Variants in MLYCD observed in about 807,000 individuals in gnomAD.
The protein encoded by MLYCD is malonyl-CoA decarboxylase, mitochondrial.
A neutral mutation model predicts 35.8 loss-of-function variants in MLYCD; 27 were observed. That is an observed-to-expected ratio of 0.75 (90% CI 0.56 to 1.04). MLYCD has a LOEUF of 1.04. Among genes scored for constraint, MLYCD ranks in the 50% least tolerant of loss-of-function variants. The pLI is 0.00. For synonymous variants in MLYCD, 403 were observed against 302.4 expected (o/e 1.33, Z -3.45); for missense variants, 917 against 665.1 (o/e 1.38, Z -4.17).
intron 3 of MLYCD, chr16:83,911,549 A>AGCT: frequency 6.5e-6 from 1 of 153,692 alleles, no homozygotes; most frequent in Non-Finnish European, 1.4e-5. Flanking sequence ...TGCCGTGAGA[A>AGCT]TGAGAGGCAA....
intron 4 of MLYCD, chr16:83,912,649 C>T (rs1291889302): frequency 3.3e-5 from 15 of 451,340 alleles, no homozygotes; most frequent in South Asian, 1.4e-4. Flanking sequence ...AGGGTGACCT[C>T]GTTCTGACCT....
chr16:83,902,770 T>A (rs1361890934), intron 1 of MLYCD, among the ~76,000 whole-genome samples: 1 of 152,210 alleles, frequency 6.6e-6, no homozygotes, highest in South Asian at 2.1e-4. Context: ...CCTTCCAAAG[T>A]GCTGGAATTA....
intron 3 of MLYCD, among the ~76,000 whole-genome samples, chr16:83,909,675 G>A (rs1286163361): frequency 6.7e-6 from 1 of 149,244 alleles, no homozygotes; most frequent in Non-Finnish European, 1.5e-5. Flanking sequence ...AGGCTAGAGT[G>A]CAATGGTGCT....
At chr16:83,906,282 T>C (rs906421937) in intron 1 of MLYCD, among the ~76,000 whole-genome samples, 1 of 151,426 alleles carries the variant, frequency 6.6e-6, no homozygotes, top group African/African-American at 2.4e-5. Context: ...TCCCAGCTAC[T>C]TGGGGGGCTG....
intron 1 of MLYCD, among the ~76,000 whole-genome samples, chr16:83,902,937 G>C (rs946684947): frequency 6.6e-6 from 1 of 152,170 alleles, no homozygotes; most frequent in Admixed American, 6.5e-5. Flanking sequence ...TGCATGGTAG[G>C]TGTGGGTATG....
At chr16:83,907,291 C>T (rs3815810) in intron 2 of MLYCD, among the ~76,000 whole-genome samples, 192 bp downstream of exon 2, 1 of 152,018 alleles carries the variant, frequency 6.6e-6, no homozygotes, top group Non-Finnish European at 1.5e-5. Context: ...TGGAGGAAGA[C>T]GAAAGGGCAC....
At position 83,899,552 on chromosome 16, in the gene MLYCD, C is replaced by T. The variant is rs183593320; in HGVS notation, c.408C>T (p.Arg136=). Residue 136 remains arginine (R), a synonymous_variant, in exon 1 of 5, where the codon CGC becomes CGT. Transcript: ENST00000262430. ...EDRLRYALVP[R]YRGLFHHISK... ...GGCTGCGCTACGCGCTGGTGCCGCG[C>T]TATCGCGGCCTCTTCCACCACATCA... is the stretch of plus-strand genomic sequence containing the variant. 3 of 1,592,706 alleles carry T rather than the reference C, an allele frequency of 1.9e-6. No homozygotes were observed. The highest frequency in any genetic ancestry group is 1.1e-5 in the South Asian group (1 of 90,558).
At chr16:83,912,642 G>A in intron 4 of MLYCD, 1 of 469,384 alleles carries the variant, frequency 2.1e-6, no homozygotes, top group Non-Finnish European at 3.9e-6. Flanking sequence ...TCTCTCTAGG[G>A]TGACCTCGTT....
chr16:83,910,168 GA>G (rs1182452916), intron 3 of MLYCD, among the ~76,000 whole-genome samples: 1 of 151,796 alleles, frequency 6.6e-6, no homozygotes, highest in Non-Finnish European at 1.5e-5. Context: ...AACAGTCATG[GA>G]GATTAGATTT....
rs545714713 is a variant in MLYCD, at chr16:83,899,781, C to T, written c.528+109C>T. The T allele has an allele frequency of 2.1e-5, 28 of 1,308,318 alleles. No individual in the cohort carries two copies. The African/African-American group carries it at 4.2e-4, about 19-fold the overall frequency. 81.0% of individuals were successfully genotyped at this position (1,308,318 alleles called of 1,614,324 possible). On this transcript the variant is annotated intron_variant, in intron 1 of 4. Transcript: ENST00000262430. ...ACACCCCGCCTTCCCTGCCCGATAG[C>T]ACGCTCACTTCGCCCGCAGTTACCG...
chr16:83,903,130 T>A (rs1340098314), intron 1 of MLYCD, among the ~76,000 whole-genome samples: 1 of 152,122 alleles, frequency 6.6e-6, no homozygotes, highest in East Asian at 1.9e-4. Flanking sequence ...AGGTTGGCCT[T>A]TAATTCATGG....
In MLYCD at chr16:83,915,029, T is replaced by G. The variant is rs769628862; in HGVS notation, c.1022T>G (p.Leu341Arg). The change falls in exon 5 of 5, where the codon CTT becomes CGT. Residue 341 changes from leucine (L) to arginine (R), a missense_variant. Leu to Arg is a moderately radical substitution (Grantham distance 102). Coordinates refer to ENST00000262430, the MANE Select transcript of MLYCD (RefSeq NM_012213.3). ...IPGFTKWLLG[L>R]LNSQTKEHGR... Reference sequence around the variant, plus strand: ...GGTTTCACCAAATGGCTTCTGGGGCTTCTGAACTCGCAAACGAAGGAGCAT... The same window carrying G: ...GGTTTCACCAAATGGCTTCTGGGGCGTCTGAACTCGCAAACGAAGGAGCAT... 2 of 1,614,104 alleles carry G rather than the reference T, an allele frequency of 1.2e-6. No homozygotes were observed. The highest frequency in any genetic ancestry group is 1.7e-6 in the Non-Finnish European group (2 of 1,180,040).
At position 83,908,236 on chromosome 16, in the gene MLYCD, T is replaced by C; in HGVS notation, c.752T>C (p.Val251Ala). The C allele has an allele frequency of 6.2e-7, 1 of 1,614,214 alleles. No individual in the cohort carries two copies. Among genetic ancestry groups the C allele is most frequent in the Non-Finnish European group, 8.5e-7 (1 of 1,180,036 alleles). Residue 251 changes from valine (V) to alanine (A), a missense_variant, in exon 3 of 5, where the codon GTC (valine) becomes GCC (alanine). Val to Ala is a moderately conservative substitution (Grantham distance 64, BLOSUM62 0). Transcript: ENST00000262430. ...SHCSTPGEPL[V>A]VLHVALTGDI... ...TGTTCGACCCCTGGGGAGCCCCTGG[T>C]CGTTTTGCACGTGGCACTGACTGGT... is the stretch of plus-strand genomic sequence containing the variant.
intron 4 of MLYCD, 197 bp from the exon 5 acceptor site, chr16:83,914,759 A>G: frequency 5.4e-6 from 4 of 736,454 alleles, no homozygotes; most frequent in Non-Finnish European, 4.4e-6. Context: ...AGCTAGGGCA[A>G]TAGAGCAAGA....
At chr16:83,904,010 G>T (rs912907696) in intron 1 of MLYCD, among the ~76,000 whole-genome samples, 2 of 152,170 alleles carry the variant, frequency 1.3e-5, no homozygotes, top group Non-Finnish European at 2.9e-5. Flanking sequence ...ACTGAGCAAC[G>T]GAGACTTCTA....
chr16:83,899,350 C>G lies in MLYCD; in HGVS notation c.206C>G (p.Ala69Gly). ...CCGGCGCCCGCCGAGGGTCAGTGCG[C>G]GGACTTCGTGAGCTTCTACGGTGGG... The part of the protein sequence containing the change: ...KTPAPAEGQC[A>G]DFVSFYGGLA... Residue 69 changes from alanine to glycine, a missense_variant, in exon 1 of 5, where the codon GCG (alanine) becomes GGG (glycine). Coordinates refer to ENST00000262430, the MANE Select transcript of MLYCD (RefSeq NM_012213.3). 6.6e-7 allele frequency: 1 copy of G among 1,522,962 alleles called. No individual in the cohort carries two copies. Among genetic ancestry groups the G allele is most frequent in the South Asian group, 1.2e-5 (1 of 82,452 alleles). 94.3% of individuals were successfully genotyped at this position (1,522,962 alleles called of 1,614,324 possible).
rs1176323305 is a variant in MLYCD at position 83,919,807 on chromosome 16, GGTGCACAGGAGAACACGCA to G, written c.*4334_*4352del. On this transcript the variant is annotated 3_prime_UTR_variant, in exon 5 of 5. Transcript: ENST00000262430. ...AGAACACACGGTGTACAGAACACACGGTGCACAGGAGAACACGCAGTGCACAGGAGAACATGCAATGCAC... is the reference window on the plus strand; with the variant it reads ...AGAACACACGGTGTACAGAACACACGGTGCACAGGAGAACATGCAATGCAC... 6.8e-6 allele frequency: 1 copy of G among 147,806 alleles called. No individual in the cohort carries two copies. Among genetic ancestry groups the G allele is most frequent in the Non-Finnish European group, 1.5e-5 (1 of 66,982 alleles). 9.2% of individuals were successfully genotyped at this position (147,806 alleles called of 1,614,324 possible).
At chr16:83,900,541 G>A (rs1331589559) in intron 1 of MLYCD, among the ~76,000 whole-genome samples, 1 of 149,912 alleles carries the variant, frequency 6.7e-6, no homozygotes. Context: ...TCAGCCTCCT[G>A]AGTAGCTGGG....
chr16:83,902,916 G>T (rs1906849005), intron 1 of MLYCD, among the ~76,000 whole-genome samples: 1 of 152,160 alleles, frequency 6.6e-6, no homozygotes, highest in Non-Finnish European at 1.5e-5. Context: ...AGGTATGTGT[G>T]TCCCTGTGGT....
Sources: allele counts gnomAD v4.1 joint callset (sites outside exome capture counted in the v4.1 genomes callset), GRCh38; gene constraint gnomAD v4.1.1; transcripts MANE v1.5; gene names NCBI Gene and HGNC (gene_info 2026-07-23, HGNC 2026-07-21).